AKAP6: variants seen among roughly 807,000 people sequenced by gnomAD.
AKAP6 encodes the protein A-kinase anchor protein 6.
In AKAP6, 58 loss-of-function variants were observed where a neutral mutation model predicts 188.5. The observed-to-expected ratio is 0.31, with a 90% CI of 0.25 to 0.38. The LOEUF is 0.38. Ranked by LOEUF, AKAP6 falls within the 10% of genes least tolerant of loss-of-function variation. AKAP6 has a pLI of 1.00. For missense variants in AKAP6, 2,710 were observed against 2,740.0 expected, an observed-to-expected ratio of 0.99 and a Z score of 0.24; for synonymous variants, 989 against 998.6, an observed-to-expected ratio of 0.99 and a Z score of 0.18.
intron 1 of AKAP6, among the ~76,000 whole-genome samples, chr14:32,393,360 C>A (rs138076289): frequency 6.6e-6 from 1 of 152,182 alleles, no homozygotes; most frequent in Admixed American, 6.5e-5. Context: ...CAGGCTGGTA[C>A]ACTTCAAAAC....
intron 4 of AKAP6, among the ~76,000 whole-genome samples, chr14:32,569,079 T>G (rs1282184235): frequency 1.3e-5 from 2 of 152,200 alleles, no homozygotes; most frequent in African/African-American, 4.8e-5. Context: ...CTATAAATAG[T>G]ATTTGAAGAA....
At chr14:32,670,437 A>T (rs1481514162) in intron 7 of AKAP6, among the ~76,000 whole-genome samples, 1 of 152,172 alleles carries the variant, frequency 6.6e-6, no homozygotes, top group Admixed American at 6.5e-5. Context: ...GCTAAAGGGG[A>T]TACTATTAGG....
intron 2 of AKAP6, among the ~76,000 whole-genome samples, chr14:32,479,178 A>G (rs1005511523): frequency 6.6e-5 from 10 of 152,176 alleles, no homozygotes; most frequent in African/African-American, 2.4e-4. Flanking sequence ...TACATGACTG[A>G]TACATATTCT....
intron 5 of AKAP6, among the ~76,000 whole-genome samples, chr14:32,588,571 A>G (rs1355628532): frequency 1.3e-5 from 2 of 152,166 alleles, no homozygotes; most frequent in African/African-American, 4.8e-5. Flanking sequence ...TTATAGTAGT[A>G]GACTTTTAAA....
At chr14:32,719,266 C>T (rs2030397731) in intron 9 of AKAP6, among the ~76,000 whole-genome samples, 1 of 152,200 alleles carries the variant, frequency 6.6e-6, no homozygotes, top group Admixed American at 6.6e-5. Flanking sequence ...TGTCTTAACA[C>T]CTACCATCGC....
intron 4 of AKAP6, among the ~76,000 whole-genome samples, chr14:32,562,628 G>A (rs1884003275): frequency 6.6e-6 from 1 of 152,202 alleles, no homozygotes; most frequent in South Asian, 2.1e-4. Context: ...TGTGGTGACA[G>A]GTGCCTGTAG....
At chr14:32,684,742 TG>T (rs767440914) in intron 8 of AKAP6, among the ~76,000 whole-genome samples, 218 of 104,788 alleles carry the variant, frequency 2.1e-3, no homozygotes, top group Non-Finnish European at 3.4e-3. Flanking sequence ...GTGTACTTCA[TG>T]TTTTTTTTTT....
chr14:32,830,114 G>A lies in AKAP6; in HGVS notation c.*309G>A. ...TCTACCAACCCTCTCTCTCCAGCTA[G>A]ACTTTTCTCTTTGCCTCCTCCCTTC... is the stretch of plus-strand genomic sequence containing the variant. On this transcript the variant is annotated 3_prime_UTR_variant, in exon 14 of 14. Coordinates refer to ENST00000280979, the MANE Select transcript of AKAP6 (RefSeq NM_004274.5). 2 of 593,866 alleles carry A rather than the reference G, an allele frequency of 3.4e-6. No homozygotes were observed. The highest frequency in any genetic ancestry group is 4.1e-5 in the South Asian group (2 of 49,062). 36.8% of individuals were successfully genotyped at this position (593,866 alleles called of 1,614,324 possible). A position where few individuals can be genotyped will look rare whatever the true frequency, so the allele number is the denominator to read the frequency against.
intron 1 of AKAP6, among the ~76,000 whole-genome samples, chr14:32,431,223 C>T (rs550116728): frequency 6.6e-6 from 1 of 151,994 alleles, no homozygotes; most frequent in East Asian, 1.9e-4. Flanking sequence ...ATTTTGTTAT[C>T]TTCTGATTGT....
intron 11 of AKAP6, among the ~76,000 whole-genome samples, chr14:32,756,949 C>A (rs1054979078): frequency 4.6e-5 from 7 of 152,084 alleles, no homozygotes; most frequent in African/African-American, 1.7e-4. Context: ...GGCTTGGAGA[C>A]TGGGTCCATG....
At chr14:32,331,478 A>C (rs190664361) in intron 1 of AKAP6, among the ~76,000 whole-genome samples, 1 of 152,142 alleles carries the variant, frequency 6.6e-6, no homozygotes, top group African/African-American at 2.4e-5. Context: ...AATGTTCAAA[A>C]TGCAATTACA....
rs553260816 is a variant in AKAP6, at chr14:32,522,664, G to C, written c.325-12890G>C. Among the ~76,000 whole-genome samples the C allele has an allele frequency of 3.9e-5, 6 of 152,282 alleles. No individual in the cohort carries two copies. The South Asian group carries it at 8.3e-4, about 21-fold the overall frequency. The stretch of plus-strand genomic sequence containing the variant: ...GATACCATCTCACACCAGTTAGAAT[G>C]GTGATCATTAAGAAGTCAGGAAACA... On this transcript the variant is annotated intron_variant, in intron 2 of 13. Transcript: ENST00000280979.
intron 12 of AKAP6, among the ~76,000 whole-genome samples, chr14:32,775,376 C>T (rs781237417): frequency 2.0e-5 from 3 of 150,600 alleles, no homozygotes; most frequent in African/African-American, 4.9e-5. Flanking sequence ...TATTTGAAAT[C>T]GTATGATCAG....
chr14:32,696,211 A>G (rs1890397206), intron 9 of AKAP6, 101 bp downstream of exon 9: 2 of 1,410,814 alleles, frequency 1.4e-6, no homozygotes, highest in Non-Finnish European at 1.9e-6. Flanking sequence ...CATTGTATGT[A>G]TCATGGTGTC....
intron 11 of AKAP6, among the ~76,000 whole-genome samples, chr14:32,758,492 G>A (rs1566690938): frequency 6.6e-6 from 1 of 152,224 alleles, no homozygotes. Flanking sequence ...CCAGCACTTT[G>A]GGAGGCCGAG....
chr14:32,348,044 A>G (rs1358211342), intron 1 of AKAP6, among the ~76,000 whole-genome samples: 2 of 152,222 alleles, frequency 1.3e-5, no homozygotes, highest in African/African-American at 2.4e-5. Context: ...GCCATGACCC[A>G]AGGGCAGGGG....
At chr14:32,503,753 C>T (rs1424868630) in intron 2 of AKAP6, among the ~76,000 whole-genome samples, 1 of 151,930 alleles carries the variant, frequency 6.6e-6, no homozygotes, top group African/African-American at 2.4e-5. Context: ...ATTCTTGTCT[C>T]AATCACATAG....
At chr14:32,358,745 A>C (rs1468176744) in intron 1 of AKAP6, among the ~76,000 whole-genome samples, 1 of 152,140 alleles carries the variant, frequency 6.6e-6, no homozygotes, top group Non-Finnish European at 1.5e-5. Context: ...AAGGGAGGAA[A>C]AACGATGAGA....
chr14:32,684,668 A>G (rs1248983856), intron 8 of AKAP6, among the ~76,000 whole-genome samples: 1 of 152,084 alleles, frequency 6.6e-6, no homozygotes, highest in Non-Finnish European at 1.5e-5. Flanking sequence ...TGGAACCTTG[A>G]TTGGGACATT....
Sources: gnomAD v4.1 joint callset for allele counts (sites outside exome capture counted in the v4.1 genomes callset) on GRCh38, gnomAD v4.1.1 for gene constraint, MANE v1.5 for transcripts, NCBI Gene and HGNC (gene_info 2026-07-23, HGNC 2026-07-21) for gene names.